TRIM13: variants seen among roughly 807,000 people sequenced by gnomAD.
TRIM13 encodes E3 ubiquitin-protein ligase TRIM13.
TRIM13 carries 15 observed loss-of-function variants against 27.1 expected under a neutral mutation model. The ratio of observed to expected loss-of-function variants is 0.55; its 90% CI spans 0.37 to 0.85. The LOEUF (loss-of-function observed/expected upper bound fraction) is 0.85, where lower values mean the gene tolerates loss of function less well. Ranked by LOEUF, TRIM13 falls within the 40% of genes least tolerant of loss-of-function variation. The probability of loss-of-function intolerance (pLI) is 0.00; values close to 1 mark genes in which losing one functional copy is unlikely to be tolerated. For missense variants in TRIM13, 402 were observed against 472.2 expected, an observed-to-expected ratio of 0.85 and a Z score of 1.38; for synonymous variants, 193 against 171.5, an observed-to-expected ratio of 1.13 and a Z score of -0.98.
chr13:50,004,150 C>T (rs1404316629), intron 1 of TRIM13, among the ~76,000 whole-genome samples: 1 of 152,106 alleles, frequency 6.6e-6, no homozygotes, highest in Non-Finnish European at 1.5e-5. Flanking sequence ...AGTTTTTTGA[C>T]TTCTATATTA....
chr13:50,011,090 C>T (rs575107057), intron 1 of TRIM13, among the ~76,000 whole-genome samples: 5 of 152,326 alleles, frequency 3.3e-5, no homozygotes, highest in South Asian at 4.1e-4. Flanking sequence ...TACAATTCAG[C>T]GCTTCTTACA....
rs750987719 is a variant in TRIM13 at position 50,015,797 on chromosome 13, C to T, written c.*2633C>T. The T allele has an allele frequency of 1.2e-6, 2 of 1,613,982 alleles. No homozygotes were observed. On this transcript the variant is annotated 3_prime_UTR_variant, in exon 2 of 2. Transcript: ENST00000378182. Reference sequence around the variant, plus strand: ...TCTAGTTGATCTCTTAAACCCATACCTGCTACAGCCAAGACCTGCTCTTGT... The same window carrying T: ...TCTAGTTGATCTCTTAAACCCATACTTGCTACAGCCAAGACCTGCTCTTGT...
chr13:50,014,450 T>A lies in TRIM13; in HGVS notation c.*1286T>A, dbSNP rs1189969696. ...TGGCAAGAGCAGGAAATGGGAAGAC[T>A]ACCTTTTTTCTGGCAGCTATGTGTT... is the stretch of plus-strand genomic sequence containing the variant. On this transcript the variant is annotated 3_prime_UTR_variant, in exon 2 of 2. Coordinates refer to ENST00000378182, the MANE Select transcript of TRIM13 (RefSeq NM_213590.3). The A allele has an allele frequency of 6.2e-6, 1 of 161,370 alleles. No individual in the cohort carries two copies. The highest frequency in any genetic ancestry group is 1.5e-5 in the Non-Finnish European group (1 of 67,302). The allele number at this position is 161,370 out of a possible 1,614,324, so 10.0% of individuals were successfully genotyped here. A position where few individuals can be genotyped will look rare whatever the true frequency, so the allele number is the denominator to read the frequency against.
rs71082132 is a variant in TRIM13 at position 50,015,092 on chromosome 13, AAAATATATATATATAT to A, written c.*1930_*1945del. 13 of 23,416 alleles carry A rather than the reference AAAATATATATATATAT, an allele frequency of 5.6e-4. No individual in the cohort carries two copies. The highest frequency in any genetic ancestry group is 1.2e-3 in the African/African-American group (7 of 5,948). 1.5% of individuals were successfully genotyped at this position (23,416 alleles called of 1,614,324 possible). ...CCCAGTAATAAAAAAAAAAAAAAAA[AAAATATATATATATAT>A]ATATATATATATATATATATATATA... On this transcript the variant is annotated 3_prime_UTR_variant, in exon 2 of 2. Coordinates refer to ENST00000378182, the MANE Select transcript of TRIM13 (RefSeq NM_213590.3).
At position 50,015,090 on chromosome 13, in the gene TRIM13, AAAAAATATATATAT is replaced by A. The variant is rs1876267742; in HGVS notation, c.*1928_*1941del. 3.1e-4 allele frequency: 12 copies of A among 39,100 alleles called. No individual in the cohort carries two copies. The highest frequency in any genetic ancestry group is 1.5e-3 in the Admixed American group (4 of 2,582). The allele number at this position is 39,100 out of a possible 1,614,324, so 2.4% of individuals were successfully genotyped here. A position where few individuals can be genotyped will look rare whatever the true frequency, so the allele number is the denominator to read the frequency against. Reference sequence around the variant, plus strand: ...CTCCCAGTAATAAAAAAAAAAAAAAAAAAAATATATATATATATATATATATATATATATATATA... The same window carrying A: ...CTCCCAGTAATAAAAAAAAAAAAAAAATATATATATATATATATATATATA... On this transcript the variant is annotated 3_prime_UTR_variant, in exon 2 of 2. Coordinates refer to ENST00000378182, the MANE Select transcript of TRIM13 (RefSeq NM_213590.3).
Position 50,016,106 on chromosome 13 carries a change from C to A in TRIM13, c.*2942C>A. ...ACTTTGCAGTATTTCTCTTGTATACCAGTTTGTGATGTTTTCTCTAAAAAC... is the reference window on the plus strand; with the variant it reads ...ACTTTGCAGTATTTCTCTTGTATACAAGTTTGTGATGTTTTCTCTAAAAAC... On this transcript the variant is annotated 3_prime_UTR_variant, in exon 2 of 2. Transcript: ENST00000378182. The A allele has an allele frequency of 6.8e-7, 1 of 1,472,514 alleles. No homozygotes were observed. The highest frequency in any genetic ancestry group is 1.2e-5 in the South Asian group (1 of 85,266). The allele number at this position is 1,472,514 out of a possible 1,614,324, so 91.2% of individuals were successfully genotyped here.
In TRIM13 at chr13:50,015,485, G is replaced by C; in HGVS notation, c.*2321G>C. ...CTGATGGTAGCCTCTAGTTTGAAGT[G>C]AGGGAAGAATGAGTAGTCAGGAACT... On this transcript the variant is annotated 3_prime_UTR_variant, in exon 2 of 2. Transcript: ENST00000378182. The C allele has an allele frequency of 6.3e-7, 1 of 1,591,624 alleles. No individual in the cohort carries two copies. The highest frequency in any genetic ancestry group is 1.1e-5 in the South Asian group (1 of 88,652).
intron 1 of TRIM13, among the ~76,000 whole-genome samples, 164 bp downstream of exon 1, chr13:49,997,927 C>G (rs889502114): frequency 6.6e-6 from 1 of 152,078 alleles, no homozygotes; most frequent in Non-Finnish European, 1.5e-5. Flanking sequence ...CTTAGAAAAA[C>G]AGAATTCACG....
At position 50,014,344 on chromosome 13, in the gene TRIM13, A is replaced by AAAAAAAAT. The variant is rs1555325057; in HGVS notation, c.*1181_*1182insAAAAAATA. ...AAAAAAAAAAAAAAAAAAAAAAAAAAATATATATATATATATACACACACA... is the reference window on the plus strand; with the variant it reads ...AAAAAAAAAAAAAAAAAAAAAAAAAAAAAAAAATATATATATATATATATACACACACA... On this transcript the variant is annotated 3_prime_UTR_variant, in exon 2 of 2. Transcript: ENST00000378182. 3.5e-4 allele frequency: 7 copies of AAAAAAAAT among 19,724 alleles called. No homozygotes were observed. The highest frequency in any genetic ancestry group is 5.0e-4 in the Non-Finnish European group (6 of 12,096). The allele number at this position is 19,724 out of a possible 1,614,324, so 1.2% of individuals were successfully genotyped here.
At chr13:50,005,405 G>A (rs544171034) in intron 1 of TRIM13, among the ~76,000 whole-genome samples, 9 of 152,094 alleles carry the variant, frequency 5.9e-5, no homozygotes, top group African/African-American at 2.2e-4. Flanking sequence ...AGGGCATGGT[G>A]GCTCACAACT....
Position 49,997,485 on chromosome 13 carries a change from G to C in TRIM13, c.-285G>C, listed in dbSNP as rs2138319139. 6.6e-6 allele frequency: 1 copy of C among 152,344 alleles called. No individual in the cohort carries two copies. Among genetic ancestry groups the C allele is most frequent in the South Asian group, 2.1e-4 (1 of 4,818 alleles). The allele number at this position is 152,344 out of a possible 1,614,324, so 9.4% of individuals were successfully genotyped here. ...CGCCGCCAGCGTTTGGTTGCATGGCGCCGGGGGAGGGCGCCCTAACCGAGA... is the reference window on the plus strand; with the variant it reads ...CGCCGCCAGCGTTTGGTTGCATGGCCCCGGGGGAGGGCGCCCTAACCGAGA... On this transcript the variant is annotated 5_prime_UTR_variant, in exon 1 of 2. Coordinates refer to ENST00000378182, the MANE Select transcript of TRIM13 (RefSeq NM_213590.3).
rs1386836169 is a variant in TRIM13 at position 50,012,467 on chromosome 13, C to G, written c.527C>G (p.Thr176Ser). Residue 176 changes from threonine to serine, a missense_variant, in exon 2 of 2, where the codon ACT (threonine) becomes AGT (serine). Physicochemically the swap from Thr to Ser is moderately conservative, Grantham distance 58. Transcript: ENST00000378182. ...TSKRKSLQLLTKDSDKVKEFF... is the reference protein window; with the variant it reads ...TSKRKSLQLLSKDSDKVKEFF... ...AAGAGGAAATCCCTACAGTTACTGACTAAAGATTCAGATAAAGTGAAGGAA... is the reference window on the plus strand; with the variant it reads ...AAGAGGAAATCCCTACAGTTACTGAGTAAAGATTCAGATAAAGTGAAGGAA... 6.2e-7 allele frequency: 1 copy of G among 1,613,956 alleles called. No homozygotes were observed. The highest frequency in any genetic ancestry group is 1.1e-5 in the South Asian group (1 of 91,058).
chr13:50,008,918 A>C (rs2476389), intron 1 of TRIM13, among the ~76,000 whole-genome samples: 14,564 of 149,948 alleles, frequency 0.097, 913 homozygotes, highest in South Asian at 0.19. Context: ...AGTCCCAGCT[A>C]CTTGGAGGTT....
At chr13:49,998,659 TA>T (rs1180408713) in intron 1 of TRIM13, among the ~76,000 whole-genome samples, 1 of 151,410 alleles carries the variant, frequency 6.6e-6, no homozygotes, top group Non-Finnish European at 1.5e-5. Flanking sequence ...TTTCCTTTAA[TA>T]AAAAGCAGCT....
At chr13:50,004,501 G>A (rs1319637101) in intron 1 of TRIM13, among the ~76,000 whole-genome samples, 4 of 152,100 alleles carry the variant, frequency 2.6e-5, no homozygotes, top group African/African-American at 7.2e-5. Context: ...ACTGGCTCAC[G>A]CCTGTAATCC....
intron 1 of TRIM13, among the ~76,000 whole-genome samples, chr13:50,010,941 T>C (rs1032434501): frequency 1.3e-5 from 2 of 152,236 alleles, no homozygotes; most frequent in African/African-American, 4.8e-5. Context: ...TTGTGCGTAC[T>C]GCCTATTTTG....
rs377384125 is a variant in TRIM13, at chr13:50,014,360, T to TACACACAC, written c.*1206_*1213dup. 1.0e-3 allele frequency: 59 copies of TACACACAC among 58,642 alleles called. 1 individual carries two copies. The highest frequency in any genetic ancestry group is 4.6e-3 in the East Asian group (5 of 1,082). The allele number at this position is 58,642 out of a possible 1,614,324, so 3.6% of individuals were successfully genotyped here. A position where few individuals can be genotyped will look rare whatever the true frequency, so the allele number is the denominator to read the frequency against. ...AAAAAAAAAAATATATATATATATA[T>TACACACAC]ACACACACACACACACATATGTACA... is the stretch of plus-strand genomic sequence containing the variant. On this transcript the variant is annotated 3_prime_UTR_variant, in exon 2 of 2. Transcript: ENST00000378182.
At chr13:50,009,892 G>A (rs1381736107) in intron 1 of TRIM13, among the ~76,000 whole-genome samples, 1 of 151,810 alleles carries the variant, frequency 6.6e-6, no homozygotes, top group East Asian at 1.9e-4. Flanking sequence ...TCATGCCAGT[G>A]CACTCCAGCT....
rs1297218841 is a variant in TRIM13 at position 50,013,273 on chromosome 13, T to G, written c.*109T>G. 2 of 1,160,906 alleles carry G rather than the reference T, an allele frequency of 1.7e-6. No homozygotes were observed. The highest frequency in any genetic ancestry group is 6.2e-5 in the Admixed American group (2 of 32,212). 71.9% of individuals were successfully genotyped at this position (1,160,906 alleles called of 1,614,324 possible). On this transcript the variant is annotated 3_prime_UTR_variant, in exon 2 of 2. Coordinates refer to ENST00000378182, the MANE Select transcript of TRIM13 (RefSeq NM_213590.3). ...AGTCACATATTTTCCTCCAAAAGTA[T>G]TCCTTCCAAAAATAATCTATACATG... is the stretch of plus-strand genomic sequence containing the variant.
Sources: allele counts gnomAD v4.1 joint callset (sites outside exome capture counted in the v4.1 genomes callset), GRCh38; gene constraint gnomAD v4.1.1; transcripts MANE v1.5; gene names NCBI Gene and HGNC (gene_info 2026-07-23, HGNC 2026-07-21).